The following CSMD1 variants were observed in gnomAD, a reference collection of about 807,000 sequenced individuals.
The protein encoded by CSMD1 is CUB and Sushi multiple domains 1.
In CSMD1, 213 loss-of-function variants were observed where a neutral mutation model predicts 417.5. That is an observed-to-expected ratio of 0.51 (90% confidence interval 0.46 to 0.57). The LOEUF (loss-of-function observed/expected upper bound fraction) is 0.57, where lower values mean the gene tolerates loss of function less well. Among genes scored for constraint, CSMD1 ranks in the 20% least tolerant of loss-of-function variants. The pLI, the probability that CSMD1 is intolerant of heterozygous loss-of-function variation, is 0.00. For synonymous variants in CSMD1, 2,862 were observed against 1,736.8 expected (o/e 1.65, Z -16.11); for missense variants, 6,923 against 4,529.7 (o/e 1.53, Z -15.17).
At chr8:4,414,856 G>C (rs997056489) in intron 3 of CSMD1, among the ~76,000 whole-genome samples, 2 of 152,168 alleles carry the variant, frequency 1.3e-5, no homozygotes, top group African/African-American at 4.8e-5. Context: ...GTAATGGCCA[G>C]AGAGTAGGCA....
intron 2 of CSMD1, among the ~76,000 whole-genome samples, chr8:4,460,669 AGAG>A (rs879732389): frequency 0.069 from 10,519 of 152,212 alleles, 29 homozygotes; most frequent in African/African-American, 0.22. Context: ...GAAGACTGTA[AGAG>A]AATTTTATAA....
intron 3 of CSMD1, among the ~76,000 whole-genome samples, chr8:4,089,941 T>C (rs934230605): frequency 1.3e-5 from 2 of 152,150 alleles, no homozygotes; most frequent in African/African-American, 4.8e-5. Context: ...ACATGTATTA[T>C]TGTTGAATAC....
At chr8:4,419,155 G>A (rs947090108) in intron 3 of CSMD1, among the ~76,000 whole-genome samples, 3 of 152,104 alleles carry the variant, frequency 2.0e-5, no homozygotes, top group African/African-American at 2.4e-5. Context: ...TTGTAAATAG[G>A]AATTGGTTTA....
chr8:4,750,161 A>T (rs1008740437), intron 1 of CSMD1, among the ~76,000 whole-genome samples: 1 of 151,812 alleles, frequency 6.6e-6, no homozygotes, highest in South Asian at 2.1e-4. Flanking sequence ...GCCCGCCACC[A>T]CGCCCGGCTA....
intron 7 of CSMD1, among the ~76,000 whole-genome samples, chr8:3,693,963 G>C (rs1800398401): frequency 6.6e-6 from 1 of 151,166 alleles, no homozygotes; most frequent in Admixed American, 6.6e-5. Context: ...ATAGGGGTGT[G>C]TGTGTGTTGG....
intron 3 of CSMD1, among the ~76,000 whole-genome samples, chr8:4,132,613 G>C (rs192151160): frequency 1.3e-5 from 2 of 152,246 alleles, no homozygotes; most frequent in African/African-American, 2.4e-5. Context: ...TTCCAGCACA[G>C]TGTTTGGCAT....
intron 5 of CSMD1, among the ~76,000 whole-genome samples, chr8:3,868,096 C>A (rs1005910586): frequency 1.3e-5 from 2 of 152,126 alleles, no homozygotes; most frequent in Non-Finnish European, 2.9e-5. Context: ...TAATTCCTTG[C>A]ATGCACAGTA....
At chr8:4,513,884 A>G (rs1381588135) in intron 2 of CSMD1, among the ~76,000 whole-genome samples, 1 of 152,156 alleles carries the variant, frequency 6.6e-6, no homozygotes, top group Non-Finnish European at 1.5e-5. Flanking sequence ...TTTTGTGATC[A>G]GTGGTTCCTA....
At chr8:4,703,336 A>G (rs7003327) in intron 1 of CSMD1, among the ~76,000 whole-genome samples, 79,310 of 151,974 alleles carry the variant, frequency 0.52, 20,985 homozygotes, top group Admixed American at 0.63. Context: ...ACGTCGCTCC[A>G]CGGACCTTTC....
At chr8:4,454,762 T>G (rs1181888976) in intron 2 of CSMD1, among the ~76,000 whole-genome samples, 1 of 152,230 alleles carries the variant, frequency 6.6e-6, no homozygotes, top group Admixed American at 6.5e-5. Context: ...GAAGAATGTC[T>G]GAAATAGCCA....
At chr8:3,675,401 T>A (rs541707066) in intron 7 of CSMD1, among the ~76,000 whole-genome samples, 8 of 152,306 alleles carry the variant, frequency 5.3e-5, no homozygotes, top group Admixed American at 1.3e-4. Flanking sequence ...CTATCTTGTT[T>A]TGTTTGCTAA....
chr8:4,652,897 C>CGCTGCT (rs1803999562), intron 1 of CSMD1, among the ~76,000 whole-genome samples: 1 of 151,320 alleles, frequency 6.6e-6, no homozygotes, highest in Non-Finnish European at 1.5e-5. Flanking sequence ...AATCTAACGC[C>CGCTGCT]GCTGCTGATG....
At chr8:4,413,937 G>A (rs950831969) in intron 3 of CSMD1, among the ~76,000 whole-genome samples, 6 of 152,162 alleles carry the variant, frequency 3.9e-5, no homozygotes, top group Non-Finnish European at 7.3e-5. Context: ...TTGAAATTTT[G>A]CATTTGTTTC....
intron 3 of CSMD1, among the ~76,000 whole-genome samples, chr8:4,329,303 T>G (rs568941096): frequency 1.3e-5 from 2 of 152,300 alleles, no homozygotes; most frequent in African/African-American, 2.4e-5. Flanking sequence ...CTCATTTATT[T>G]TTTGAGATGG....
chr8:3,390,722 G>A (rs896173788), intron 17 of CSMD1, among the ~76,000 whole-genome samples: 2 of 151,858 alleles, frequency 1.3e-5, no homozygotes, highest in African/African-American at 4.8e-5. Flanking sequence ...AATGAATAAA[G>A]GGAGTTGATT....
intron 3 of CSMD1, among the ~76,000 whole-genome samples, chr8:4,107,805 A>C (rs547678537): frequency 5.3e-5 from 8 of 152,334 alleles, no homozygotes; most frequent in African/African-American, 1.9e-4. Flanking sequence ...CTGACAGGCA[A>C]TCTGAGCCTG....
At chr8:4,755,179 A>C (rs1253435329) in intron 1 of CSMD1, among the ~76,000 whole-genome samples, 1 of 152,296 alleles carries the variant, frequency 6.6e-6, no homozygotes. Flanking sequence ...TCATAGGCCA[A>C]ATTTTAAAGT....
chr8:4,019,254 TAC>T lies in CSMD1; in HGVS notation c.610+12649_610+12650del, dbSNP rs1307075117. Reference sequence around the variant, plus strand: ...GAGTTAGGTCAGAGGCACTCTCTCTTACAGACTAAGAGTTTTTAAAGATTCAG... The same window carrying T: ...GAGTTAGGTCAGAGGCACTCTCTCTTAGACTAAGAGTTTTTAAAGATTCAG... On this transcript the variant is annotated intron_variant, in intron 4 of 69. Coordinates refer to ENST00000635120, the MANE Select transcript of CSMD1 (RefSeq NM_033225.6). Among the ~76,000 whole-genome samples, 9 of 152,316 alleles carry T rather than the reference TAC, an allele frequency of 5.9e-5. No homozygotes were observed. In the East Asian group the frequency reaches 1.7e-3, roughly 29 times the overall value.
At chr8:3,920,705 A>G (rs761702457) in intron 5 of CSMD1, among the ~76,000 whole-genome samples, 3 of 151,554 alleles carry the variant, frequency 2.0e-5, no homozygotes, top group African/African-American at 4.9e-5. Context: ...AATTTTGTCA[A>G]ATGCTTTTTT....
Sources: gnomAD v4.1 joint callset for allele counts (sites outside exome capture counted in the v4.1 genomes callset) on GRCh38, gnomAD v4.1.1 for gene constraint, MANE v1.5 for transcripts, NCBI Gene and HGNC (gene_info 2026-07-23, HGNC 2026-07-21) for gene names.